Variants in RUFY2 observed in about 807,000 individuals in gnomAD.
The protein encoded by RUFY2 is RUN and FYVE domain-containing protein 2.
A neutral mutation model predicts 94.4 loss-of-function variants in RUFY2; 49 were observed. That is an observed-to-expected ratio of 0.52 (90% confidence interval 0.41 to 0.66). RUFY2 has a LOEUF of 0.66. Among genes scored for constraint, RUFY2 ranks in the 30% least tolerant of loss-of-function variants. RUFY2 has a pLI of 0.00. For missense variants in RUFY2, 541 were observed against 692.8 expected, an observed-to-expected ratio of 0.78 and a Z score of 2.46; for synonymous variants, 255 against 235.7, an observed-to-expected ratio of 1.08 and a Z score of -0.75.
At chr10:68,386,153 C>A in intron 7 of RUFY2, 25 bp from the exon 8 acceptor site, 26 of 1,584,876 alleles carry the variant, frequency 1.6e-5, no homozygotes, top group Non-Finnish European at 2.2e-5. Context: ...CAAAAAAACT[C>A]ATTCAAAATC....
chr10:68,369,100 C>T (rs1043288155), intron 13 of RUFY2, among the ~76,000 whole-genome samples: 3 of 152,168 alleles, frequency 2.0e-5, no homozygotes, highest in African/African-American at 7.2e-5. Context: ...ACCTTCCTAA[C>T]CCCCAGCAGT....
chr10:68,400,523 A>C (rs1408483325), intron 3 of RUFY2, among the ~76,000 whole-genome samples: 2 of 148,864 alleles, frequency 1.3e-5, no homozygotes, highest in Non-Finnish European at 3.0e-5. Context: ...AAAAATACAA[A>C]AAATCAGCCA....
intron 16 of RUFY2, among the ~76,000 whole-genome samples, chr10:68,347,960 C>T (rs2046396924): frequency 6.6e-6 from 1 of 152,082 alleles, no homozygotes; most frequent in Admixed American, 6.5e-5. Flanking sequence ...AAAAAAAAGA[C>T]AAAGCATTCA....
chr10:68,359,078 T>C (rs2047251948), intron 15 of RUFY2, among the ~76,000 whole-genome samples: 2 of 151,856 alleles, frequency 1.3e-5, no homozygotes, highest in Admixed American at 6.6e-5. Flanking sequence ...ATAACCATAA[T>C]GTACAAGAAT....
chr10:68,347,422 T>TA (rs2046363849), intron 16 of RUFY2, among the ~76,000 whole-genome samples: 1 of 151,924 alleles, frequency 6.6e-6, no homozygotes, highest in African/African-American at 2.4e-5. Flanking sequence ...TAGCTGGGAT[T>TA]ACAGGCACAC....
At position 68,394,375 on chromosome 10, in the gene RUFY2, C is replaced by T. The variant is rs1226593534; in HGVS notation, c.475G>A (p.Val159Met). The change falls in exon 5 of 18, where the codon GTG becomes ATG. Residue 159 changes from valine (V) to methionine (M), a missense_variant. By Grantham distance (21) the Val-to-Met change is conservative. This residue lies in a region of RUFY2 where 85 missense variants were observed against 153.4 expected (regional missense o/e 0.55). Transcript: ENST00000602465. ...VIVGLLVGLNVIDANLCVKGE... is the reference protein window; with the variant it reads ...VIVGLLVGLNMIDANLCVKGE... Reference sequence around the variant, plus strand: ...TTCACACACAGATTAGCATCGATCACATTCAGGCCAACCAGCAGCCCAACA... The same window carrying T: ...TTCACACACAGATTAGCATCGATCATATTCAGGCCAACCAGCAGCCCAACA... The T allele has an allele frequency of 1.2e-6, 2 of 1,613,880 alleles. No individual in the cohort carries two copies. The highest frequency in any genetic ancestry group is 1.7e-6 in the Non-Finnish European group (2 of 1,179,814).
At chr10:68,396,984 T>G in intron 3 of RUFY2, 103 bp from the exon 4 acceptor site, 1 of 720,366 alleles carries the variant, frequency 1.4e-6, no homozygotes, top group African/African-American at 1.8e-5. Flanking sequence ...ATTTTTATAA[T>G]GGTTTTGTTT....
chr10:68,344,031 T>C lies in RUFY2; in HGVS notation c.*1737A>G, dbSNP rs1050442769. On this transcript the variant is annotated 3_prime_UTR_variant, in exon 18 of 18. Coordinates refer to ENST00000602465, the MANE Select transcript of RUFY2 (RefSeq NM_001330103.2). Reference sequence around the variant, plus strand: ...TTTGTTTATTCAGTAATCATAAAAATGTTAGCCCATCCCACCTATCAATAC... The same window carrying C: ...TTTGTTTATTCAGTAATCATAAAAACGTTAGCCCATCCCACCTATCAATAC... The C allele has an allele frequency of 1.3e-5, 2 of 152,282 alleles. No homozygotes were observed. The highest frequency in any genetic ancestry group is 3.9e-4 in the East Asian group (2 of 5,186). The allele number at this position is 152,282 out of a possible 1,614,324, so 9.4% of individuals were successfully genotyped here. A position where few individuals can be genotyped will look rare whatever the true frequency, so the allele number is the denominator to read the frequency against.
intron 6 of RUFY2, among the ~76,000 whole-genome samples, 196 bp from the exon 7 acceptor site, chr10:68,393,399 A>G (rs2050147938): frequency 6.6e-6 from 1 of 152,200 alleles, no homozygotes; most frequent in African/African-American, 2.4e-5. Context: ...TGCTAATAAT[A>G]CACTTAACAA....
At chr10:68,389,075 TG>T (rs1461811013) in intron 7 of RUFY2, among the ~76,000 whole-genome samples, 1 of 151,688 alleles carries the variant, frequency 6.6e-6, no homozygotes, top group African/African-American at 2.4e-5. Context: ...TGTACTGTTT[TG>T]GGTGTATAGA....
chr10:68,379,508 C>G lies in RUFY2; in HGVS notation c.1121G>C (p.Gly374Ala), dbSNP rs1309713067. The change falls in exon 12 of 18, where the codon GGC becomes GCC. Residue 374 changes from glycine (G) to alanine (A), a missense_variant. By Grantham distance (60) the Gly-to-Ala change is moderately conservative. Around this residue, in one of 3 missense-constraint regions of RUFY2, gnomAD observed 403 missense variants for 480.7 expected, o/e 0.84. Coordinates refer to ENST00000602465, the MANE Select transcript of RUFY2 (RefSeq NM_001330103.2). ...MYQKLQGSED[G>A]LKEKNEIIAR... ...AATTATTTCATTTTTTTCTTTCAAG[C>G]CATCTTCAGAACCCTATTTATAAAA... is the stretch of plus-strand genomic sequence containing the variant. 1 of 1,609,890 alleles carries G rather than the reference C, an allele frequency of 6.2e-7. No individual in the cohort carries two copies. Among genetic ancestry groups the G allele is most frequent in the African/African-American group, 1.3e-5 (1 of 74,554 alleles).
intron 13 of RUFY2, among the ~76,000 whole-genome samples, chr10:68,367,260 T>C (rs2047916089): frequency 6.6e-6 from 1 of 152,110 alleles, no homozygotes; most frequent in Admixed American, 6.6e-5. Context: ...AGTAACAGAG[T>C]ACCAGAGTTT....
chr10:68,367,988 C>T (rs1159608210), intron 13 of RUFY2, among the ~76,000 whole-genome samples: 2 of 143,356 alleles, frequency 1.4e-5, no homozygotes, highest in East Asian at 2.1e-4. Flanking sequence ...TTTTTTGAGA[C>T]GGAGTCTCGC....
chr10:68,349,443 C>T (rs1183290782), intron 16 of RUFY2, among the ~76,000 whole-genome samples: 1 of 152,012 alleles, frequency 6.6e-6, no homozygotes, highest in African/African-American at 2.4e-5. Flanking sequence ...ATTGCTTGAA[C>T]CCAGAAGTTC....
intron 16 of RUFY2, among the ~76,000 whole-genome samples, chr10:68,349,527 TTTTTTTAAAG>T (rs2046512935): frequency 2.0e-5 from 3 of 151,820 alleles, no homozygotes; most frequent in Admixed American, 6.6e-5. Flanking sequence ...TAAAAAAATT[TTTTTTTAAAG>T]AAAAAAAAAT....
chr10:68,351,260 T>C (rs536505837), intron 16 of RUFY2, among the ~76,000 whole-genome samples: 4 of 150,006 alleles, frequency 2.7e-5, no homozygotes, highest in Admixed American at 1.3e-4. Flanking sequence ...GCCTCCTGAG[T>C]AGCTGGGATT....
rs1590034752 is a variant in RUFY2 at position 68,407,269 on chromosome 10, A to C, written c.-80T>G. The C allele has an allele frequency of 2.5e-6, 3 of 1,196,716 alleles. No individual in the cohort carries two copies. The highest frequency in any genetic ancestry group is 3.2e-6 in the Non-Finnish European group (3 of 947,640). 74.1% of individuals were successfully genotyped at this position (1,196,716 alleles called of 1,614,324 possible). On this transcript the variant is annotated 5_prime_UTR_variant, in exon 1 of 18. Transcript: ENST00000602465. ...TCCTTCCAGGCGCTCGGCGGCCACC[A>C]CCGCATCTGCAGCCAGGCCCGCTGC...
intron 6 of RUFY2, 28 bp downstream of exon 6, chr10:68,394,047 T>C: frequency 6.7e-7 from 1 of 1,489,738 alleles, no homozygotes; most frequent in South Asian, 1.3e-5. Flanking sequence ...AAAAACCCAA[T>C]ATGTGAAATA....
intron 1 of RUFY2, among the ~76,000 whole-genome samples, chr10:68,405,156 T>TA (rs2051174537): frequency 6.6e-6 from 1 of 151,504 alleles, no homozygotes; most frequent in Admixed American, 6.6e-5. Context: ...CTACTAAAAA[T>TA]ACAAAAATTA....
Sources: allele counts gnomAD v4.1 joint callset (sites outside exome capture counted in the v4.1 genomes callset), GRCh38; gene constraint gnomAD v4.1.1; regional missense constraint gnomAD v4.1.1; transcripts MANE v1.5; gene names NCBI Gene and HGNC (gene_info 2026-07-23, HGNC 2026-07-21).